The following ARHGAP35 variants were observed in gnomAD, a reference collection of about 807,000 sequenced individuals.
ARHGAP35 encodes the protein rho GTPase-activating protein 35.
In ARHGAP35, 15 loss-of-function variants were observed where a neutral mutation model predicts 111.1. The ratio of observed to expected loss-of-function variants is 0.13; its 90% CI spans 0.09 to 0.21. The LOEUF is 0.21. Among genes scored for constraint, ARHGAP35 ranks in the 10% least tolerant of loss-of-function variants. The pLI, the probability that ARHGAP35 is intolerant of heterozygous loss-of-function variation, is 1.00. For missense variants in ARHGAP35, 1,262 were observed against 1,873.0 expected (o/e 0.67, Z 6.02); for synonymous variants, 643 against 710.3 (o/e 0.91, Z 1.51).
At chr19:46,983,720 T>C (rs542031845) in intron 3 of ARHGAP35, among the ~76,000 whole-genome samples, 1 of 150,168 alleles carries the variant, frequency 6.7e-6, no homozygotes, top group East Asian at 2.0e-4. Flanking sequence ...TTCACGCCAT[T>C]CTCCTGCCTC....
chr19:46,933,034 C>A (rs2056281991), intron 2 of ARHGAP35, among the ~76,000 whole-genome samples: 1 of 151,756 alleles, frequency 6.6e-6, no homozygotes, highest in Non-Finnish European at 1.5e-5. Flanking sequence ...CCCCATTATT[C>A]TCTTTGCCAA....
rs139933283 is a variant in ARHGAP35, at chr19:46,995,154, T to C, written c.4037-4150T>C. Among the ~76,000 whole-genome samples the C allele has an allele frequency of 6.3e-3, 954 of 152,212 alleles. 12 individuals carry two copies. The highest frequency in any genetic ancestry group is 0.022 in the African/African-American group (925 of 41,530). ...CAGTGTGACTGGGTACAGTGGCTCA[T>C]ACCTGTAATCCCAGCACTTTGGGAG... is the stretch of plus-strand genomic sequence containing the variant. On this transcript the variant is annotated intron_variant, in intron 5 of 6. Coordinates refer to ENST00000672722, the MANE Select transcript of ARHGAP35 (RefSeq NM_004491.5).
chr19:46,924,628 A>T (rs1273803623), intron 2 of ARHGAP35, among the ~76,000 whole-genome samples: 3 of 152,250 alleles, frequency 2.0e-5, no homozygotes, highest in Non-Finnish European at 4.4e-5. Flanking sequence ...AGGAAGCCAG[A>T]AAACGGCCTG....
intron 1 of ARHGAP35, among the ~76,000 whole-genome samples, chr19:46,879,286 C>T (rs1355915642): frequency 6.6e-6 from 1 of 151,842 alleles, no homozygotes; most frequent in Non-Finnish European, 1.5e-5. Flanking sequence ...GAAACCGTGT[C>T]TCTACTAAAA....
chr19:46,948,561 A>G (rs1350025601), intron 3 of ARHGAP35: 2 of 152,240 alleles, frequency 1.3e-5, no homozygotes, highest in African/African-American at 2.4e-5. Context: ...AGGTCCATCC[A>G]TCTGATGGAA....
At chr19:46,973,961 A>C (rs1420050139) in intron 3 of ARHGAP35, among the ~76,000 whole-genome samples, 1 of 151,880 alleles carries the variant, frequency 6.6e-6, no homozygotes, top group Non-Finnish European at 1.5e-5. Context: ...GCGCCACTGC[A>C]CTCCAGCCTG....
chr19:46,862,854 C>T (rs1568455901), intron 1 of ARHGAP35, among the ~76,000 whole-genome samples: 2 of 152,114 alleles, frequency 1.3e-5, no homozygotes, highest in Admixed American at 6.6e-5. Flanking sequence ...TATTTGCCCA[C>T]CCTCCACTGT....
At position 46,918,329 on chromosome 19, in the gene ARHGAP35, T is replaced by C. The variant is rs948246888; in HGVS notation, c.-188-159T>C. Among the ~76,000 whole-genome samples the C allele has an allele frequency of 6.6e-6, 1 of 152,220 alleles. No homozygotes were observed. Among genetic ancestry groups the C allele is most frequent in the Non-Finnish European group, 1.5e-5 (1 of 68,038 alleles). On this transcript the variant is annotated intron_variant, in intron 1 of 6. Coordinates refer to ENST00000672722, the MANE Select transcript of ARHGAP35 (RefSeq NM_004491.5). The surrounding 1 kb of genome is among the most constrained non-coding windows in gnomAD (Gnocchi z 5.4). Reference sequence around the variant, plus strand: ...TCTGGGGACACATAGATGTGAGTCTTACTTGCTCTTGTATCTTCACCCAGC... The same window carrying C: ...TCTGGGGACACATAGATGTGAGTCTCACTTGCTCTTGTATCTTCACCCAGC...
intron 3 of ARHGAP35, among the ~76,000 whole-genome samples, chr19:46,971,484 T>G (rs1442983557): frequency 6.6e-6 from 1 of 151,786 alleles, no homozygotes; most frequent in Non-Finnish European, 1.5e-5. Context: ...GGGTTTTTTT[T>G]GTTTTGTTTC....
chr19:46,895,793 C>T (rs2056051791), intron 1 of ARHGAP35, among the ~76,000 whole-genome samples: 3 of 152,046 alleles, frequency 2.0e-5, no homozygotes, highest in Admixed American at 2.0e-4. Flanking sequence ...CTTACCCTTC[C>T]CGGGTGGATT....
At chr19:46,953,725 C>T (rs1333728493) in intron 3 of ARHGAP35, among the ~76,000 whole-genome samples, 1 of 152,154 alleles carries the variant, frequency 6.6e-6, no homozygotes, top group African/African-American at 2.4e-5. Context: ...GGTAGAGTAG[C>T]ACACTCCAGT....
chr19:46,974,985 C>T (rs374209075), intron 3 of ARHGAP35, among the ~76,000 whole-genome samples: 47 of 152,294 alleles, frequency 3.1e-4, no homozygotes, highest in African/African-American at 1.0e-3. Flanking sequence ...GTTCTCCTGC[C>T]TCAGCCTCCT....
chr19:46,879,617 A>AATAAATAAATAAATAT (rs899638161), intron 1 of ARHGAP35, among the ~76,000 whole-genome samples: 1 of 141,346 alleles, frequency 7.1e-6, no homozygotes, highest in Non-Finnish European at 1.6e-5. Flanking sequence ...TAAATAAATA[A>AATAAATAAATAAATAT]AAATAAAAAT....
intron 3 of ARHGAP35, among the ~76,000 whole-genome samples, chr19:46,939,254 C>A (rs1165147647): frequency 6.6e-6 from 1 of 151,962 alleles, no homozygotes; most frequent in Non-Finnish European, 1.5e-5. Flanking sequence ...GGATTACAGG[C>A]GTGAGCTACC....
intron 3 of ARHGAP35, among the ~76,000 whole-genome samples, chr19:46,938,707 G>T (rs1174641119): frequency 1.3e-5 from 2 of 150,470 alleles, no homozygotes; most frequent in Non-Finnish European, 2.9e-5. Flanking sequence ...TGCCAAGCTG[G>T]AGTGCAGTGG....
At chr19:46,941,951 G>T (rs150518833) in intron 3 of ARHGAP35, among the ~76,000 whole-genome samples, 1 of 143,694 alleles carries the variant, frequency 7.0e-6, no homozygotes, top group African/African-American at 2.6e-5. Flanking sequence ...TTCCATTTTC[G>T]TCTTTCTTCA....
At chr19:46,955,204 C>G (rs914895899) in intron 3 of ARHGAP35, among the ~76,000 whole-genome samples, 1 of 152,162 alleles carries the variant, frequency 6.6e-6, no homozygotes, top group African/African-American at 2.4e-5. Flanking sequence ...AAGCCGCCCC[C>G]GTCCATGTGA....
chr19:46,968,495 C>A (rs1425481214), intron 3 of ARHGAP35, among the ~76,000 whole-genome samples: 1 of 152,168 alleles, frequency 6.6e-6, no homozygotes, highest in Non-Finnish European at 1.5e-5. Context: ...GGGGAAATAT[C>A]TGTAGGTCAC....
At chr19:46,947,849 A>G (rs2056388725) in intron 3 of ARHGAP35, 1 of 152,216 alleles carries the variant, frequency 6.6e-6, no homozygotes, top group African/African-American at 2.4e-5. Flanking sequence ...GGAGCAGTTC[A>G]CAGAACTTAG....
Sources: allele counts gnomAD v4.1 joint callset (sites outside exome capture counted in the v4.1 genomes callset), GRCh38; gene constraint gnomAD v4.1.1; non-coding constraint Gnocchi (gnomAD v3.1); transcripts MANE v1.5; gene names NCBI Gene and HGNC (gene_info 2026-07-23, HGNC 2026-07-21).